Variants in CD101 observed in about 807,000 individuals in gnomAD.
CD101 encodes the protein immunoglobulin superfamily member 2.
CD101 carries 76 observed loss-of-function variants against 98.2 expected under a neutral mutation model. That is an observed-to-expected ratio of 0.77 (90% confidence interval 0.64 to 0.94). The LOEUF is 0.94. Ranked by LOEUF, CD101 falls within the 40% of genes least tolerant of loss-of-function variation. The pLI is 0.00. For synonymous variants in CD101, 471 were observed against 472.7 expected, an observed-to-expected ratio of 1.00 and a Z score of 0.05; for missense variants, 1,145 against 1,218.8, an observed-to-expected ratio of 0.94 and a Z score of 0.90.
rs1444958676 is a variant in CD101, at chr1:117,012,965, G to T, written c.842-441G>T. On this transcript the variant is annotated intron_variant, in intron 3 of 9. Coordinates refer to ENST00000682167, the MANE Select transcript of CD101 (RefSeq NM_001256106.3). The surrounding 1 kb of genome is among the most constrained non-coding windows in gnomAD (Gnocchi z 4.0). ...AAGTTATACTCATGAGTCCTATGGA[G>T]CGATATCACATGTGCTTTTTAACTT... 6.6e-6 allele frequency among the ~76,000 whole-genome samples: 1 copy of T among 152,168 alleles called. No individual in the cohort carries two copies. The highest frequency in any genetic ancestry group is 1.5e-5 in the Non-Finnish European group (1 of 68,030).
In CD101 at chr1:117,017,328, G is replaced by A; in HGVS notation, c.1467G>A (p.Met489Ile). Residue 489 changes from methionine (M) to isoleucine (I), a missense_variant, in exon 5 of 10, where the codon ATG becomes ATA. Met to Ile is a conservative substitution (Grantham distance 10). Coordinates refer to ENST00000682167, the MANE Select transcript of CD101 (RefSeq NM_001256106.3). Reference sequence around the variant, plus strand: ...ATGGCAACACAAGGCTGGAGAAAATGGACTGGGCCACCTTCCAGCTGGAGA... The same window carrying A: ...ATGGCAACACAAGGCTGGAGAAAATAGACTGGGCCACCTTCCAGCTGGAGA... Reference protein sequence around the residue: ...SYHGNTRLEKMDWATFQLEIT... With the variant: ...SYHGNTRLEKIDWATFQLEIT... 6.2e-7 allele frequency: 1 copy of A among 1,614,242 alleles called. No homozygotes were observed. The highest frequency in any genetic ancestry group is 8.5e-7 in the Non-Finnish European group (1 of 1,180,050).
chr1:117,016,533 A>T (rs1452694204), intron 4 of CD101, among the ~76,000 whole-genome samples: 1 of 152,218 alleles, frequency 6.6e-6, no homozygotes, highest in African/African-American at 2.4e-5. Context: ...AGTTGATTTA[A>T]CAAACAAATA....
intron 7 of CD101, among the ~76,000 whole-genome samples, chr1:117,024,128 GTAAC>G (rs1357341589): frequency 2.0e-5 from 3 of 152,194 alleles, no homozygotes; most frequent in Non-Finnish European, 4.4e-5. Context: ...AGTAAAAATG[GTAAC>G]TAAGAAAGAG....
At chr1:117,003,534 G>C (rs999623177) in intron 1 of CD101, among the ~76,000 whole-genome samples, 3 of 152,200 alleles carry the variant, frequency 2.0e-5, no homozygotes, top group Non-Finnish European at 4.4e-5. Flanking sequence ...AGTTGTCTGA[G>C]TGTGATTCTC....
chr1:117,021,550 CTG>C lies in CD101; in HGVS notation c.2018-21_2018-20del, dbSNP rs752629379. On this transcript the variant is annotated intron_variant, in intron 6 of 9. Coordinates refer to ENST00000682167, the MANE Select transcript of CD101 (RefSeq NM_001256106.3). This position sits in a 1 kb window ranked among gnomAD's most constrained non-coding sequence, Gnocchi z 4.7. ...AACTTTCTATTTCATAGCAAAGTAA[CTG>C]TTTCATTTTTTTAAATTTAGAGAGC... The C allele has an allele frequency of 1.5e-5, 23 of 1,540,432 alleles. No individual in the cohort carries two copies. The highest frequency in any genetic ancestry group is 1.7e-4 in the Middle Eastern group (1 of 5,738).
At position 117,012,086 on chromosome 1, in the gene CD101, G is replaced by A. The variant is rs1274467151; in HGVS notation, c.841+120G>A. On this transcript the variant is annotated intron_variant, in intron 3 of 9. Coordinates refer to ENST00000682167, the MANE Select transcript of CD101 (RefSeq NM_001256106.3). The surrounding 1 kb of genome is among the most constrained non-coding windows in gnomAD (Gnocchi z 4.0). ...CTCTAAAAAATTGGCTAGAAAGTTT[G>A]ATTTAATTTTGTATTTTTGTCATCT... 4.2e-6 allele frequency: 4 copies of A among 948,300 alleles called. No homozygotes were observed. Among genetic ancestry groups the A allele is most frequent in the Non-Finnish European group, 6.2e-6 (4 of 641,204 alleles). 58.7% of individuals were successfully genotyped at this position (948,300 alleles called of 1,614,324 possible).
At position 117,009,838 on chromosome 1, in the gene CD101, C is replaced by G. The variant is rs775399850; in HGVS notation, c.44-12C>G. On this transcript the variant is annotated splice_polypyrimidine_tract_variant and intron_variant, in intron 1 of 9. Transcript: ENST00000682167. The stretch of plus-strand genomic sequence containing the variant: ...TCTCTTTTTATTCCCCTTTCTTTCT[C>G]CTACTTACAAGCTAAGCTCAGCATT... 4.4e-6 allele frequency: 7 copies of G among 1,580,188 alleles called. 1 individual carries two copies. The South Asian group carries it at 7.9e-5, about 18-fold the overall frequency.
rs2101142164 is a variant in CD101, at chr1:117,023,957, A to T, written c.2429-1552A>T. 6.6e-6 allele frequency among the ~76,000 whole-genome samples: 1 copy of T among 152,314 alleles called. No individual in the cohort carries two copies. The highest frequency in any genetic ancestry group is 1.9e-4 in the East Asian group (1 of 5,176). On this transcript the variant is annotated intron_variant, in intron 7 of 9. Transcript: ENST00000682167. This position sits in a 1 kb window ranked among gnomAD's most constrained non-coding sequence, Gnocchi z 4.4. ...AAAACCACATAGAGGACAGAAAAGG[A>T]CTAGAGGGTCCCTTGAACTGGGAAA...
rs1226003488 is a variant in CD101 at position 117,019,429 on chromosome 1, T to C, written c.2017+869T>C. Among the ~76,000 whole-genome samples, 1 of 152,188 alleles carries C rather than the reference T, an allele frequency of 6.6e-6. No homozygotes were observed. Among genetic ancestry groups the C allele is most frequent in the Non-Finnish European group, 1.5e-5 (1 of 68,026 alleles). Reference sequence around the variant, plus strand: ...TAGTAATGATCCCCTTGTTCATGAATTCATGCTTAATTAATTTGTCCTCTC... The same window carrying C: ...TAGTAATGATCCCCTTGTTCATGAACTCATGCTTAATTAATTTGTCCTCTC... On this transcript the variant is annotated intron_variant, in intron 6 of 9. Coordinates refer to ENST00000682167, the MANE Select transcript of CD101 (RefSeq NM_001256106.3). The surrounding 1 kb of genome is among the most constrained non-coding windows in gnomAD (Gnocchi z 4.3).
intron 4 of CD101, among the ~76,000 whole-genome samples, chr1:117,015,053 G>C (rs914756283): frequency 9.9e-5 from 15 of 152,170 alleles, no homozygotes; most frequent in African/African-American, 3.6e-4. Context: ...AGGGTACACA[G>C]CTGATAATCC....
chr1:117,018,053 A>T lies in CD101; in HGVS notation c.1613-103A>T. The T allele has an allele frequency of 1.0e-6, 1 of 1,001,162 alleles. No homozygotes were observed. The highest frequency in any genetic ancestry group is 1.8e-5 in the South Asian group (1 of 56,374). 62.0% of individuals were successfully genotyped at this position (1,001,162 alleles called of 1,614,324 possible). On this transcript the variant is annotated intron_variant, in intron 5 of 9. Coordinates refer to ENST00000682167, the MANE Select transcript of CD101 (RefSeq NM_001256106.3). The surrounding 1 kb of genome is among the most constrained non-coding windows in gnomAD (Gnocchi z 4.3). Reference sequence around the variant, plus strand: ...TAAAATAGGAAACTCCAAATGTACAAATGCATGGTCCTAGTCAAAGAGGTG... The same window carrying T: ...TAAAATAGGAAACTCCAAATGTACATATGCATGGTCCTAGTCAAAGAGGTG...
rs900751957 is a variant in CD101, at chr1:117,004,407, C to T, written c.43+2547C>T. ...ACCATTTTATACAGTTCAACCTAAT[C>T]GTTTTCATTCAAATAATACTGCAGT... On this transcript the variant is annotated intron_variant, in intron 1 of 9. Transcript: ENST00000682167. This position sits in a 1 kb window ranked among gnomAD's most constrained non-coding sequence, Gnocchi z 4.1. Among the ~76,000 whole-genome samples the T allele has an allele frequency of 6.6e-6, 1 of 152,070 alleles. No individual in the cohort carries two copies. The highest frequency in any genetic ancestry group is 1.5e-5 in the Non-Finnish European group (1 of 68,010).
rs1446203901 is a variant in CD101 at position 117,005,497 on chromosome 1, G to A, written c.43+3637G>A. 1.3e-5 allele frequency among the ~76,000 whole-genome samples: 2 copies of A among 152,102 alleles called. No individual in the cohort carries two copies. The highest frequency in any genetic ancestry group is 2.9e-5 in the Non-Finnish European group (2 of 68,024). ...AGTCCCCAACCTCTTGGCAGCCTTT[G>A]GCAGTGCTGACAAGCCCTTTCCTCT... On this transcript the variant is annotated intron_variant, in intron 1 of 9. Coordinates refer to ENST00000682167, the MANE Select transcript of CD101 (RefSeq NM_001256106.3). This position sits in a 1 kb window ranked among gnomAD's most constrained non-coding sequence, Gnocchi z 4.4.
Position 117,011,882 on chromosome 1 carries a change from G to A in CD101, c.757G>A (p.Glu253Lys). The change falls in exon 3 of 10, where the codon GAA becomes AAA. Residue 253 changes from glutamate to lysine, a missense_variant. Physicochemically the swap from Glu to Lys is moderately conservative, Grantham distance 56 (BLOSUM62 1). Coordinates refer to ENST00000682167, the MANE Select transcript of CD101 (RefSeq NM_001256106.3). ...DQGQLFCEAT[E>K]WIQDPDETWM... ...GGGTCAGCTGTTCTGTGAGGCAACGGAATGGATTCAGGATCCAGATGAAAC... is the reference window on the plus strand; with the variant it reads ...GGGTCAGCTGTTCTGTGAGGCAACGAAATGGATTCAGGATCCAGATGAAAC... 2 of 1,614,146 alleles carry A rather than the reference G, an allele frequency of 1.2e-6. No homozygotes were observed. The highest frequency in any genetic ancestry group is 8.5e-7 in the Non-Finnish European group (1 of 1,180,038).
rs902056475 is a variant in CD101, at chr1:117,005,431, A to G, written c.43+3571A>G. ...CCCTTTTACAAAGATCTTCATGGAC[A>G]TCCTCCTCATCGAGCTAACAGGAGT... On this transcript the variant is annotated intron_variant, in intron 1 of 9. Transcript: ENST00000682167. This position sits in a 1 kb window ranked among gnomAD's most constrained non-coding sequence, Gnocchi z 4.4. 6.6e-6 allele frequency among the ~76,000 whole-genome samples: 1 copy of G among 152,172 alleles called. No homozygotes were observed. The highest frequency in any genetic ancestry group is 1.5e-5 in the Non-Finnish European group (1 of 68,042).
rs993732332 is a variant in CD101, at chr1:117,022,075, A to G, written c.2428+92A>G. The G allele has an allele frequency of 1.5e-5, 21 of 1,383,426 alleles. No individual in the cohort carries two copies. The highest frequency in any genetic ancestry group is 2.0e-5 in the Non-Finnish European group (20 of 1,013,418). The allele number at this position is 1,383,426 out of a possible 1,614,324, so 85.7% of individuals were successfully genotyped here. On this transcript the variant is annotated intron_variant, in intron 7 of 9. Coordinates refer to ENST00000682167, the MANE Select transcript of CD101 (RefSeq NM_001256106.3). The surrounding 1 kb of genome is among the most constrained non-coding windows in gnomAD (Gnocchi z 4.8). ...TTCTATGGAGTGATTATGTGGAAGTAAAAATATGACCTAAAGTCATAGGAA... is the reference window on the plus strand; with the variant it reads ...TTCTATGGAGTGATTATGTGGAAGTGAAAATATGACCTAAAGTCATAGGAA...
Position 117,025,707 on chromosome 1 carries a change from AG to A in CD101, c.2631del (p.Leu878SerfsTer17), listed in dbSNP as rs1557776377. 1 of 1,614,142 alleles carries A rather than the reference AG, an allele frequency of 6.2e-7. No homozygotes were observed. The highest frequency in any genetic ancestry group is 8.5e-7 in the Non-Finnish European group (1 of 1,180,022). On this transcript the variant is annotated frameshift_variant, in exon 8 of 10. Transcript: ENST00000682167. LOFTEE classifies it high-confidence loss of function. Reference protein sequence around the residue: ...QHDGLLEYGEEGLRRHLHCYR... With the variant: ...QHDGLLEYGEXGLRRHLHCYR... ...GATGGCTTGCTGGAGTATGGGGAAGAGGGGCTCAGGAGGCACCTGCACTGTT... is the reference window on the plus strand; with the variant it reads ...GATGGCTTGCTGGAGTATGGGGAAGAGGGCTCAGGAGGCACCTGCACTGTT...
At position 117,034,022 on chromosome 1, in the gene CD101, C is replaced by G. The variant is rs1211253481; in HGVS notation, c.2987C>G (p.Ala996Gly). The G allele has an allele frequency of 1.3e-5, 21 of 1,614,030 alleles. No individual in the cohort carries two copies. Among genetic ancestry groups the G allele is most frequent in the Non-Finnish European group, 1.2e-5 (14 of 1,180,040 alleles). ...CGTTCCAACACACGGAAAGAAAAAGCTCTCTGGGTGGACTTGAAAGAGGCT... is the reference window on the plus strand; with the variant it reads ...CGTTCCAACACACGGAAAGAAAAAGGTCTCTGGGTGGACTTGAAAGAGGCT... ...TLRSNTRKEK[A>G]LWVDLKEAGG... Residue 996 changes from alanine to glycine, a missense_variant, in exon 9 of 10, where the codon GCT (alanine) becomes GGT (glycine). Ala to Gly is a moderately conservative substitution (Grantham distance 60). Transcript: ENST00000682167.
chr1:117,021,896 G>C lies in CD101; in HGVS notation c.2341G>C (p.Glu781Gln). 6.2e-7 allele frequency: 1 copy of C among 1,614,180 alleles called. No individual in the cohort carries two copies. The highest frequency in any genetic ancestry group is 8.5e-7 in the Non-Finnish European group (1 of 1,180,028). Residue 781 changes from glutamate to glutamine, a missense_variant, in exon 7 of 10, where the codon GAG becomes CAG. Transcript: ENST00000682167. This position sits in a 1 kb window ranked among gnomAD's most constrained non-coding sequence, Gnocchi z 4.7. Reference sequence around the variant, plus strand: ...TCGGGGCAAATATCACTGTGCTGTGGAGGAATGGCTCCTGTCTACAAATGG... The same window carrying C: ...TCGGGGCAAATATCACTGTGCTGTGCAGGAATGGCTCCTGTCTACAAATGG... The part of the protein sequence containing the change: ...SDRGKYHCAV[E>Q]EWLLSTNGTW...
Sources: allele counts gnomAD v4.1 joint callset (sites outside exome capture counted in the v4.1 genomes callset), GRCh38; gene constraint gnomAD v4.1.1; non-coding constraint Gnocchi (gnomAD v3.1); transcripts MANE v1.5; gene names NCBI Gene and HGNC (gene_info 2026-07-23, HGNC 2026-07-21).